The following NAALADL2 variants were observed in gnomAD, a reference collection of about 807,000 sequenced individuals.
NAALADL2 encodes the protein inactive N-acetylated-alpha-linked acidic dipeptidase-like protein 2.
NAALADL2 carries 76 observed loss-of-function variants against 87.2 expected under a neutral mutation model. The ratio of observed to expected loss-of-function variants is 0.87; its 90% CI spans 0.72 to 1.05. NAALADL2 has a LOEUF of 1.05. NAALADL2 is among the 50% of genes least tolerant of loss of function. The pLI, the probability that NAALADL2 is intolerant of heterozygous loss-of-function variation, is 0.00. For synonymous variants in NAALADL2, 354 were observed against 331.0 expected (o/e 1.07, Z -0.75); for missense variants, 1,089 against 945.8 (o/e 1.15, Z -1.99).
intron 2 of NAALADL2, among the ~76,000 whole-genome samples, chr3:175,141,699 A>G (rs1351769574): frequency 6.6e-6 from 1 of 152,132 alleles, no homozygotes; most frequent in Non-Finnish European, 1.5e-5. Flanking sequence ...TGAGACTACA[A>G]TGTTGAGGGT....
intron 9 of NAALADL2, among the ~76,000 whole-genome samples, chr3:175,492,878 CTCTT>C (rs1728296349): frequency 6.6e-6 from 1 of 152,038 alleles, no homozygotes; most frequent in Admixed American, 6.6e-5. Flanking sequence ...GAACATATGG[CTCTT>C]TCTTCCATTA....
intron 1 of NAALADL2, among the ~76,000 whole-genome samples, chr3:175,026,120 T>C (rs1181454405): frequency 2.0e-5 from 3 of 152,102 alleles, no homozygotes; most frequent in Non-Finnish European, 4.4e-5. Flanking sequence ...TGTTTAGCCA[T>C]CCTAACAAAT....
intron 4 of NAALADL2, among the ~76,000 whole-genome samples, chr3:175,301,661 G>C (rs1056414711): frequency 6.6e-6 from 1 of 152,134 alleles, no homozygotes; most frequent in Non-Finnish European, 1.5e-5. Context: ...TGGCAGGATT[G>C]ATAACAACTG....
At chr3:174,730,502 A>T (rs577225465) in intron 2 of NAALADL2, among the ~76,000 whole-genome samples, 7 of 152,152 alleles carry the variant, frequency 4.6e-5, no homozygotes, top group Non-Finnish European at 1.0e-4. Context: ...AGAACTTTTA[A>T]AAGAATATTG....
At chr3:174,977,390 ACTG>A (rs1261717899) in intron 1 of NAALADL2, among the ~76,000 whole-genome samples, 1 of 152,086 alleles carries the variant, frequency 6.6e-6, no homozygotes. Flanking sequence ...CTCCCAAAGT[ACTG>A]CGATTACAGG....
In NAALADL2 at chr3:174,544,136, C is replaced by G. The variant is rs143850671; in HGVS notation, c.-183-6433C>G. 1.4e-3 allele frequency among the ~76,000 whole-genome samples: 218 copies of G among 152,262 alleles called. 2 individuals are homozygous for G. The highest frequency in any genetic ancestry group is 0.01 in the Middle Eastern group (3 of 294). The stretch of plus-strand genomic sequence containing the variant: ...TCCTTCTTCTAAGAGGCAACCATTT[C>G]CAACTGTTCCAGTTTTTTCTTTTGA... On this transcript the variant is annotated intron_variant, in intron 1 of 3. Coordinates refer to the NAALADL2 transcript ENST00000434257.
chr3:175,193,959 G>A (rs952837544), intron 2 of NAALADL2, among the ~76,000 whole-genome samples: 3 of 151,842 alleles, frequency 2.0e-5, no homozygotes, highest in African/African-American at 7.2e-5. Context: ...GATAATTTGT[G>A]TGCAAAGTGC....
At chr3:174,642,870 C>A (rs1191366503) in intron 2 of NAALADL2, among the ~76,000 whole-genome samples, 2 of 151,382 alleles carry the variant, frequency 1.3e-5, no homozygotes, top group Non-Finnish European at 2.9e-5. Context: ...GCAGCCTCAA[C>A]CTCGTGGGCT....
intron 2 of NAALADL2, among the ~76,000 whole-genome samples, chr3:175,119,807 CTATA>C (rs201153636): frequency 6.9e-6 from 1 of 144,238 alleles, no homozygotes; most frequent in Non-Finnish European, 1.5e-5. Flanking sequence ...ACTTATGTAT[CTATA>C]TATAAAAGTA....
intron 1 of NAALADL2, among the ~76,000 whole-genome samples, chr3:174,446,234 A>G (rs1004632394): frequency 6.6e-6 from 1 of 152,130 alleles, no homozygotes; most frequent in Non-Finnish European, 1.5e-5. Context: ...TATAGTAGAG[A>G]TATTTTAATT....
chr3:174,766,830 A>G (rs561532884), intron 3 of NAALADL2, among the ~76,000 whole-genome samples: 2 of 152,346 alleles, frequency 1.3e-5, no homozygotes, highest in South Asian at 2.1e-4. Context: ...GAGAGCTTAC[A>G]TTCTAGTAGG....
chr3:174,464,727 C>T (rs1479178991), intron 1 of NAALADL2, among the ~76,000 whole-genome samples: 1 of 151,784 alleles, frequency 6.6e-6, no homozygotes, highest in African/African-American at 2.4e-5. Context: ...GTTAGATTAA[C>T]ATGCAATACA....
chr3:175,045,453 T>C (rs994822208), intron 1 of NAALADL2, among the ~76,000 whole-genome samples: 2 of 152,188 alleles, frequency 1.3e-5, no homozygotes, highest in African/African-American at 2.4e-5. Context: ...GTTTATCCTC[T>C]AAGTTACTAG....
At chr3:175,052,394 T>A (rs559229548) in intron 1 of NAALADL2, among the ~76,000 whole-genome samples, 3 of 152,330 alleles carry the variant, frequency 2.0e-5, no homozygotes, top group Admixed American at 1.3e-4. Context: ...GGGGCCTGTT[T>A]CCCAACATGT....
chr3:175,627,333 A>G lies in NAALADL2; in HGVS notation c.1843A>G (p.Thr615Ala), dbSNP rs1031798399. ...CGAGGCCCGTTTTTCTACACGAGCA[A>G]CAAAAATTGAAGAAATGGATCCCTC... ...LSEARFSTRA[T>A]KIEEMDPSFN... The change falls in exon 11 of 14, where the codon ACA (threonine) becomes GCA (alanine). Residue 615 changes from threonine to alanine, a missense_variant. Thr to Ala is a moderately conservative substitution (Grantham distance 58, BLOSUM62 0). Coordinates refer to ENST00000454872, the MANE Select transcript of NAALADL2 (RefSeq NM_207015.3). 2.0e-5 allele frequency: 32 copies of G among 1,573,358 alleles called. No individual in the cohort carries two copies. The highest frequency in any genetic ancestry group is 2.8e-5 in the Non-Finnish European group (32 of 1,156,902).
chr3:175,315,158 T>G (rs1310908951), intron 4 of NAALADL2, among the ~76,000 whole-genome samples: 1 of 152,142 alleles, frequency 6.6e-6, no homozygotes, highest in African/African-American at 2.4e-5. Context: ...GTGTAAAAAC[T>G]GAAAAGTGTC....
Position 174,496,023 on chromosome 3 carries a change from T to A in NAALADL2, c.-183-54546T>A, listed in dbSNP as rs182686157. Among the ~76,000 whole-genome samples the A allele has an allele frequency of 1.1e-4, 17 of 152,288 alleles. No homozygotes were observed. In the East Asian group the frequency reaches 2.9e-3, roughly 26 times the overall value. The stretch of plus-strand genomic sequence containing the variant: ...TTCCAGCTAAAATTTTTTGATTGTA[T>A]GACTGTGCTCTTGAACTTCAGCACA... On this transcript the variant is annotated intron_variant, in intron 1 of 3. Transcript: ENST00000434257.
chr3:174,960,210 A>G (rs1266048478), intron 1 of NAALADL2, among the ~76,000 whole-genome samples: 1 of 152,100 alleles, frequency 6.6e-6, no homozygotes. Context: ...AAACTATTCC[A>G]GTCATCATCA....
At chr3:175,508,510 A>G (rs1027556588) in intron 9 of NAALADL2, among the ~76,000 whole-genome samples, 2 of 152,142 alleles carry the variant, frequency 1.3e-5, no homozygotes, top group African/African-American at 4.8e-5. Context: ...TCTACCTATT[A>G]TCTCATTAAC....
Sources: gnomAD v4.1 joint callset for allele counts (sites outside exome capture counted in the v4.1 genomes callset) on GRCh38, gnomAD v4.1.1 for gene constraint, MANE v1.5 for transcripts, NCBI Gene and HGNC (gene_info 2026-07-23, HGNC 2026-07-21) for gene names.